The following UCHL3 variants were observed in gnomAD, a reference collection of about 807,000 sequenced individuals.
The protein encoded by UCHL3 is ubiquitin C-terminal hydrolase L3, also known as ubiquitin carboxyl-terminal hydrolase isozyme L3.
A neutral mutation model predicts 35.8 loss-of-function variants in UCHL3; 22 were observed. The ratio of observed to expected loss-of-function variants is 0.61; its 90% CI spans 0.44 to 0.88. UCHL3 has a LOEUF of 0.88. UCHL3 is among the 40% of genes least tolerant of loss of function. UCHL3 has a pLI of 0.00. For synonymous variants in UCHL3, 90 were observed against 92.8 expected (o/e 0.97, Z 0.17); for missense variants, 229 against 276.9 (o/e 0.83, Z 1.23).
chr13:75,567,379 G>C (rs2031719969), intron 5 of UCHL3, 67 bp downstream of exon 5: 1 of 1,409,200 alleles, frequency 7.1e-7, no homozygotes, highest in Non-Finnish European at 1.0e-6. Flanking sequence ...ATGTGTTTGG[G>C]GGTTTTGTCT....
At chr13:75,604,858 T>A (rs2032887621) in intron 8 of UCHL3, 31 bp downstream of exon 8, 1 of 1,559,778 alleles carries the variant, frequency 6.4e-7, no homozygotes, top group African/African-American at 1.4e-5. Flanking sequence ...CCCATCTTCA[T>A]CAATATTTTG....
chr13:75,569,324 C>T, intron 5 of UCHL3, 136 bp from the exon 6 acceptor site: 3 of 595,648 alleles, frequency 5.0e-6, no homozygotes, highest in Non-Finnish European at 8.5e-6. Context: ...ATATCTAGTA[C>T]TAAGCTTTTC....
chr13:75,570,861 A>G (rs1348915148), intron 6 of UCHL3, among the ~76,000 whole-genome samples: 2 of 152,160 alleles, frequency 1.3e-5, no homozygotes, highest in Admixed American at 1.3e-4. Flanking sequence ...ATAGTGACCT[A>G]TGATTGCACC....
intron 7 of UCHL3, 46 bp downstream of exon 7, chr13:75,595,036 G>A: frequency 7.2e-7 from 1 of 1,396,672 alleles, no homozygotes; most frequent in Non-Finnish European, 9.8e-7. Flanking sequence ...TGGTAAATGG[G>A]AAAGTCTCTA....
intron 6 of UCHL3, among the ~76,000 whole-genome samples, chr13:75,587,728 G>T (rs921549765): frequency 3.3e-5 from 5 of 152,134 alleles, no homozygotes; most frequent in African/African-American, 1.2e-4. Context: ...TTTCAAAAAG[G>T]TTCTTCAAAA....
At chr13:75,598,633 A>AT (rs770411447) in intron 7 of UCHL3, among the ~76,000 whole-genome samples, 5 of 152,182 alleles carry the variant, frequency 3.3e-5, no homozygotes, top group Non-Finnish European at 7.3e-5. Flanking sequence ...TGATTTATGC[A>AT]TTTTTGGCAG....
At chr13:75,597,739 G>C (rs920615189) in intron 7 of UCHL3, among the ~76,000 whole-genome samples, 3 of 152,132 alleles carry the variant, frequency 2.0e-5, no homozygotes, top group Non-Finnish European at 4.4e-5. Context: ...GATATGGAGA[G>C]ATGACTGTAA....
chr13:75,572,510 A>G (rs927553701), intron 6 of UCHL3, among the ~76,000 whole-genome samples: 10 of 152,162 alleles, frequency 6.6e-5, no homozygotes, highest in South Asian at 2.1e-4. Flanking sequence ...ATGGTATCTT[A>G]TCTCCCTTTC....
intron 6 of UCHL3, among the ~76,000 whole-genome samples, chr13:75,581,100 C>T (rs2032168991): frequency 6.6e-6 from 1 of 150,706 alleles, no homozygotes; most frequent in African/African-American, 2.4e-5. Flanking sequence ...AAACCAGCCA[C>T]AGTCTTTTGG....
intron 6 of UCHL3, among the ~76,000 whole-genome samples, chr13:75,570,308 C>T (rs990132857): frequency 3.9e-5 from 6 of 152,068 alleles, no homozygotes; most frequent in African/African-American, 1.4e-4. Flanking sequence ...CTGATCTTGG[C>T]TTACTGCAAG....
At chr13:75,584,563 A>G (rs147488876) in intron 6 of UCHL3, among the ~76,000 whole-genome samples, 1 of 152,310 alleles carries the variant, frequency 6.6e-6, no homozygotes, top group East Asian at 1.9e-4. Context: ...TTAGGCATAC[A>G]TATTATTTAT....
Position 75,549,826 on chromosome 13 carries a change from G to A in UCHL3, c.6G>A (p.Glu2=), listed in dbSNP as rs1399884210. 3 of 1,589,276 alleles carry A rather than the reference G, an allele frequency of 1.9e-6. No individual in the cohort carries two copies. The highest frequency in any genetic ancestry group is 1.7e-4 in the Middle Eastern group (1 of 5,854). ...GAGGGCCGGGCACCGCGGCCATGGAGGGTCAACGCTGGCTGCCGCTGGAGG... is the reference window on the plus strand; with the variant it reads ...GAGGGCCGGGCACCGCGGCCATGGAAGGTCAACGCTGGCTGCCGCTGGAGG... M[E]GQRWLPLEAN... The change falls in exon 1 of 9, where the codon GAG becomes GAA. Residue 2 remains glutamate, a synonymous_variant. Coordinates refer to ENST00000377595, the MANE Select transcript of UCHL3 (RefSeq NM_006002.5).
Position 75,566,698 on chromosome 13 carries a change from G to A in UCHL3, c.187G>A (p.Glu63Lys). 1 of 1,519,032 alleles carries A rather than the reference G, an allele frequency of 6.6e-7. No homozygotes were observed. The highest frequency in any genetic ancestry group is 8.9e-7 in the Non-Finnish European group (1 of 1,129,478). The allele number at this position is 1,519,032 out of a possible 1,614,324, so 94.1% of individuals were successfully genotyped here. A position where few individuals can be genotyped will look rare whatever the true frequency, so the allele number is the denominator to read the frequency against. Residue 63 changes from glutamate to lysine, a missense_variant, in exon 4 of 9, where the codon GAA becomes AAA. Glu to Lys is a moderately conservative substitution (Grantham distance 56). Coordinates refer to ENST00000377595, the MANE Select transcript of UCHL3 (RefSeq NM_006002.5). ...LLLFPITEKYEVFRTEEEEKI... is the reference protein window; with the variant it reads ...LLLFPITEKYKVFRTEEEEKI... ...GTTGACTTTTTTTTTTTAATAGTATGAAGTATTCAGAACAGAAGAGGAAGA... is the reference window on the plus strand; with the variant it reads ...GTTGACTTTTTTTTTTTAATAGTATAAAGTATTCAGAACAGAAGAGGAAGA...
intron 6 of UCHL3, among the ~76,000 whole-genome samples, chr13:75,592,547 A>G (rs1388173458): frequency 7.0e-6 from 1 of 143,250 alleles, no homozygotes; most frequent in African/African-American, 2.6e-5. Flanking sequence ...TTTTTGAAAC[A>G]AGACTTGCTG....
chr13:75,571,698 T>C (rs8192747), intron 6 of UCHL3, among the ~76,000 whole-genome samples: 87,254 of 151,950 alleles, frequency 0.57, 26,881 homozygotes, highest in Non-Finnish European at 0.69. Context: ...TTTCCTAGTG[T>C]GTAGAGCAGT....
At position 75,605,598 on chromosome 13, in the gene UCHL3, CTTTA is replaced by C; in HGVS notation, c.610-127_610-124del. Reference sequence around the variant, plus strand: ...CACCCATGTTCACTTTTCTGGTGTTCTTTATTTCTCATTTGGAAAAGGAAGTTTG... The same window carrying C: ...CACCCATGTTCACTTTTCTGGTGTTCTTTCTCATTTGGAAAAGGAAGTTTG... On this transcript the variant is annotated intron_variant, in intron 8 of 8. Transcript: ENST00000377595. The C allele has an allele frequency of 3.5e-6, 3 of 865,142 alleles. No individual in the cohort carries two copies. The East Asian group carries it at 8.0e-5, about 23-fold the overall frequency. The allele number at this position is 865,142 out of a possible 1,614,324, so 53.6% of individuals were successfully genotyped here.
At chr13:75,568,363 T>TA (rs978692928) in intron 5 of UCHL3, among the ~76,000 whole-genome samples, 25 of 150,826 alleles carry the variant, frequency 1.7e-4, no homozygotes, top group East Asian at 1.9e-4. Flanking sequence ...TTTTTTTCTT[T>TA]AAAAAAAAAC....
chr13:75,568,676 C>T (rs2031763552), intron 5 of UCHL3, among the ~76,000 whole-genome samples: 1 of 151,576 alleles, frequency 6.6e-6, no homozygotes, highest in African/African-American at 2.4e-5. Context: ...AGTTTTTCTT[C>T]TTTTTCACTA....
At chr13:75,598,873 A>T (rs188547964) in intron 7 of UCHL3, among the ~76,000 whole-genome samples, 13 of 149,548 alleles carry the variant, frequency 8.7e-5, no homozygotes, top group Admixed American at 8.0e-4. Context: ...AATGGCAATT[A>T]AAAAAAAATT....
Sources: allele counts gnomAD v4.1 joint callset (sites outside exome capture counted in the v4.1 genomes callset), GRCh38; gene constraint gnomAD v4.1.1; transcripts MANE v1.5; gene names NCBI Gene and HGNC (gene_info 2026-07-23, HGNC 2026-07-21).